Variants in PRKAR2B observed in about 807,000 individuals in gnomAD.
PRKAR2B encodes the protein protein kinase cAMP-dependent type II regulatory subunit beta, also known as cAMP-dependent protein kinase type II-beta regulatory subunit.
PRKAR2B carries 14 observed loss-of-function variants against 49.9 expected under a neutral mutation model. That is an observed-to-expected ratio of 0.28 (90% CI 0.19 to 0.44). The LOEUF is 0.44. PRKAR2B is among the 20% of genes least tolerant of loss of function. PRKAR2B has a pLI of 1.00. For missense variants in PRKAR2B, 393 were observed against 537.9 expected, an observed-to-expected ratio of 0.73 and a Z score of 2.67; for synonymous variants, 196 against 197.7, an observed-to-expected ratio of 0.99 and a Z score of 0.07.
chr7:107,110,971 G>A (rs1247311389), intron 2 of PRKAR2B, among the ~76,000 whole-genome samples: 1 of 152,124 alleles, frequency 6.6e-6, no homozygotes, highest in Non-Finnish European at 1.5e-5. Context: ...GGGCTTTTGG[G>A]GTCCCCAATT....
chr7:107,075,103 T>A (rs553532445), intron 2 of PRKAR2B, among the ~76,000 whole-genome samples: 1 of 152,114 alleles, frequency 6.6e-6, no homozygotes, highest in South Asian at 2.1e-4. Flanking sequence ...TTTATTATTT[T>A]TAAATTTTTT....
intron 6 of PRKAR2B, 61 bp downstream of exon 6, chr7:107,146,522 T>C: frequency 2.0e-6 from 3 of 1,529,032 alleles, no homozygotes; most frequent in Non-Finnish European, 2.7e-6. Context: ...ATGACGGTGT[T>C]ACAAATTGCC....
chr7:107,115,880 T>G (rs1795263859), intron 2 of PRKAR2B, among the ~76,000 whole-genome samples: 2 of 152,206 alleles, frequency 1.3e-5, no homozygotes, highest in Non-Finnish European at 2.9e-5. Context: ...AAGAGACATC[T>G]GTCACTTCTA....
intron 2 of PRKAR2B, among the ~76,000 whole-genome samples, chr7:107,076,351 C>A (rs7799412): frequency 2.0e-5 from 3 of 152,062 alleles, no homozygotes; most frequent in African/African-American, 7.2e-5. Context: ...CTTTTAAATT[C>A]AAGCTAATTC....
At chr7:107,099,123 T>C (rs1171080939) in intron 2 of PRKAR2B, among the ~76,000 whole-genome samples, 1 of 152,194 alleles carries the variant, frequency 6.6e-6, no homozygotes. Context: ...AGGTGGAGTC[T>C]ACAGAGGCAG....
At chr7:107,076,369 T>G (rs1342387929) in intron 2 of PRKAR2B, among the ~76,000 whole-genome samples, 1 of 152,186 alleles carries the variant, frequency 6.6e-6, no homozygotes, top group African/African-American at 2.4e-5. Flanking sequence ...TTCAAGGATT[T>G]TTTATTGCAT....
chr7:107,123,749 A>C (rs1375637092), intron 3 of PRKAR2B, among the ~76,000 whole-genome samples: 1 of 152,194 alleles, frequency 6.6e-6, no homozygotes, highest in Admixed American at 6.5e-5. Context: ...AGGAGGAGGA[A>C]TCTTTGTGGG....
At chr7:107,072,954 C>T (rs1794310379) in intron 2 of PRKAR2B, among the ~76,000 whole-genome samples, 1 of 152,084 alleles carries the variant, frequency 6.6e-6, no homozygotes, top group South Asian at 2.1e-4. Flanking sequence ...TTTTATTCAT[C>T]TGTTTTTAAA....
chr7:107,145,343 A>C (rs1250765131), intron 5 of PRKAR2B, among the ~76,000 whole-genome samples: 1 of 152,226 alleles, frequency 6.6e-6, no homozygotes, highest in Non-Finnish European at 1.5e-5. Flanking sequence ...AACGTCTGCT[A>C]TAGATTATAA....
intron 1 of PRKAR2B, among the ~76,000 whole-genome samples, chr7:107,060,059 A>AG (rs2116758664): frequency 1.1e-5 from 1 of 89,738 alleles, no homozygotes; most frequent in Admixed American, 1.2e-4. Flanking sequence ...TGGAAAATAT[A>AG]GTTTTTTTAA....
At chr7:107,063,854 C>T (rs1049072979) in intron 1 of PRKAR2B, among the ~76,000 whole-genome samples, 1 of 152,146 alleles carries the variant, frequency 6.6e-6, no homozygotes, top group African/African-American at 2.4e-5. Flanking sequence ...GCAATTTGAA[C>T]TCTTTGCAGC....
At chr7:107,145,707 G>A (rs1173206811) in intron 5 of PRKAR2B, among the ~76,000 whole-genome samples, 6 of 148,574 alleles carry the variant, frequency 4.0e-5, no homozygotes, top group African/African-American at 1.0e-4. Flanking sequence ...ATGTAAGTAA[G>A]CCACCACACC....
chr7:107,150,022 T>A (rs534490725), intron 6 of PRKAR2B, among the ~76,000 whole-genome samples: 18 of 152,006 alleles, frequency 1.2e-4, no homozygotes, highest in Non-Finnish European at 1.8e-4. Context: ...TAAAAAAAAA[T>A]TAAAATATTG....
At chr7:107,123,524 G>T (rs966603490) in intron 3 of PRKAR2B, among the ~76,000 whole-genome samples, 2 of 152,224 alleles carry the variant, frequency 1.3e-5, no homozygotes, top group Non-Finnish European at 2.9e-5. Context: ...GCAGGAGCCA[G>T]CCCGCCTCTG....
At chr7:107,110,042 C>A (rs922658108) in intron 2 of PRKAR2B, among the ~76,000 whole-genome samples, 2 of 152,196 alleles carry the variant, frequency 1.3e-5, no homozygotes, top group Non-Finnish European at 2.9e-5. Flanking sequence ...GTTACCAGCA[C>A]CACCCCTCCA....
At chr7:107,065,313 G>GGTGTGTGTGT (rs1353262616) in intron 1 of PRKAR2B, among the ~76,000 whole-genome samples, 29 of 130,396 alleles carry the variant, frequency 2.2e-4, no homozygotes, top group African/African-American at 8.2e-4. Context: ...GTTTGCTCGG[G>GGTGTGTGTGT]GTGTGTGTAT....
At chr7:107,052,201 C>T (rs1333392660) in intron 1 of PRKAR2B, among the ~76,000 whole-genome samples, 1 of 152,084 alleles carries the variant, frequency 6.6e-6, no homozygotes, top group African/African-American at 2.4e-5. Context: ...GGCGGATCAC[C>T]TGAGGTCAGG....
At chr7:107,145,214 A>G (rs1347686723) in intron 5 of PRKAR2B, among the ~76,000 whole-genome samples, 1 of 152,156 alleles carries the variant, frequency 6.6e-6, no homozygotes, top group African/African-American at 2.4e-5. Context: ...TAACTACTCA[A>G]CTCTGCAGTT....
At chr7:107,060,135 A>T (rs1793997697) in intron 1 of PRKAR2B, among the ~76,000 whole-genome samples, 1 of 152,248 alleles carries the variant, frequency 6.6e-6, no homozygotes, top group South Asian at 2.1e-4. Context: ...TATCAGTTTT[A>T]ATTTATAATA....
Sources: allele counts gnomAD v4.1 joint callset (sites outside exome capture counted in the v4.1 genomes callset), GRCh38; gene constraint gnomAD v4.1.1; transcripts MANE v1.5; gene names NCBI Gene and HGNC (gene_info 2026-07-23, HGNC 2026-07-21).